NPIPB11: variants seen among roughly 807,000 people sequenced by gnomAD.
The protein encoded by NPIPB11 is nuclear pore complex interacting protein family member B11, also known as nuclear pore complex-interacting protein family member B11.
NPIPB11 carries 17 observed loss-of-function variants against 32.8 expected under a neutral mutation model. The observed-to-expected ratio is 0.52, with a 90% CI of 0.35 to 0.78. The LOEUF is 0.78. Among genes scored for constraint, NPIPB11 ranks in the 30% least tolerant of loss-of-function variants. The pLI is 0.01. For missense variants in NPIPB11, 537 were observed against 1,000.4 expected, an observed-to-expected ratio of 0.54 and a Z score of 6.25; for synonymous variants, 209 against 398.4, an observed-to-expected ratio of 0.52 and a Z score of 5.66.
In NPIPB11 at chr16:29,399,261, CA is replaced by C. The variant is rs1412212379; in HGVS notation, c.120+4421del. Among the ~76,000 whole-genome samples the C allele has an allele frequency of 7.2e-5, 11 of 151,980 alleles. 1 individual carries two copies. Among genetic ancestry groups the C allele is most frequent in the Admixed American group, 2.6e-4 (4 of 15,230 alleles). On this transcript the variant is annotated intron_variant, in intron 2 of 7. Transcript: ENST00000524087. ...TGCCCAAACTCACTCAGGCCTCTGG[CA>C]GCTGAAAACCACTGCTTTAAATCCC... is the stretch of plus-strand genomic sequence containing the variant.
intron 2 of NPIPB11, chr16:29,397,708 G>T (rs1963894145): frequency 7.0e-6 from 4 of 568,662 alleles, no homozygotes; most frequent in Non-Finnish European, 1.2e-5. Flanking sequence ...AGGGCAGGGG[G>T]GAGGGAAGGG....
At chr16:29,391,717 A>G (rs1024556720) in intron 3 of NPIPB11, among the ~76,000 whole-genome samples, 12 of 152,266 alleles carry the variant, frequency 7.9e-5, no homozygotes, top group Non-Finnish European at 1.2e-4. Flanking sequence ...CTCCTGAGGT[A>G]GTCATTGAAA....
At chr16:29,383,641 G>C (rs1567269731) in exon 8 of NPIPB11, 1 of 421,234 alleles carries the variant, frequency 2.4e-6, no homozygotes, top group Admixed American at 5.9e-5. Context: ...GGTGTCTTGA[G>C]ATTATCATCC....
chr16:29,384,101 T>A, exon 8 of NPIPB11: 1 of 1,163,560 alleles, frequency 8.6e-7, no homozygotes, highest in South Asian at 1.4e-5. Context: ...TATCATCCGC[T>A]GAGGGTGGAA....
At chr16:29,406,648 A>G (rs1964119362), upstream of NPIPB11, among the ~76,000 whole-genome samples, 1 of 151,898 alleles carries the variant, frequency 6.6e-6, no homozygotes, top group Non-Finnish European at 1.5e-5. Context: ...CAGGAGGCGG[A>G]GGTTGCAGTG....
chr16:29,382,094 C>G, exon 8 of NPIPB11: 2 of 470,732 alleles, frequency 4.2e-6, no homozygotes, highest in Admixed American at 5.5e-5. Flanking sequence ...GGGGAGTGAG[C>G]TGACGTTTGG....
At chr16:29,389,795 C>T in intron 5 of NPIPB11, 146 bp downstream of exon 5, 3 of 1,195,910 alleles carry the variant, frequency 2.5e-6, no homozygotes, top group East Asian at 3.0e-5. Flanking sequence ...ACAGCTTAAA[C>T]TAATGAAGCA....
At chr16:29,394,464 C>T (rs1963801523) in intron 2 of NPIPB11, among the ~76,000 whole-genome samples, 1 of 150,326 alleles carries the variant, frequency 6.7e-6, no homozygotes, top group Admixed American at 6.6e-5. Flanking sequence ...GAGTTCCGCT[C>T]CACTCAGTCG....
intron 7 of NPIPB11, 142 bp from the exon 8 acceptor site, chr16:29,384,431 A>G: frequency 2.2e-6 from 1 of 459,114 alleles, no homozygotes; most frequent in East Asian, 3.9e-5. Flanking sequence ...TAGCAGTATC[A>G]GTGTCATAAT....
At chr16:29,405,139 GTGTC>G (rs1387091700), upstream of NPIPB11, among the ~76,000 whole-genome samples, 1 of 151,744 alleles carries the variant, frequency 6.6e-6, no homozygotes, top group Non-Finnish European at 1.5e-5. Context: ...ACCTCTAACT[GTGTC>G]TGAAACATTA....
At chr16:29,398,885 G>A (rs1306634388) in intron 2 of NPIPB11, among the ~76,000 whole-genome samples, 6 of 151,790 alleles carry the variant, frequency 4.0e-5, no homozygotes, top group South Asian at 2.1e-4. Flanking sequence ...ATCCGAAACC[G>A]AGTGATGATG....
intron 2 of NPIPB11, among the ~76,000 whole-genome samples, chr16:29,395,748 G>A (rs1263118040): frequency 6.6e-6 from 1 of 150,908 alleles, no homozygotes. Context: ...GGGAAGCCGA[G>A]GTGGGTGGAC....
At chr16:29,405,672 A>C (rs1050624345), upstream of NPIPB11, among the ~76,000 whole-genome samples, 43 of 152,210 alleles carry the variant, frequency 2.8e-4, 1 homozygote, top group Non-Finnish European at 5.3e-4. Context: ...AGGCCATGTT[A>C]TGTGTTCTCC....
chr16:29,389,218 G>T (rs959125407), intron 5 of NPIPB11, among the ~76,000 whole-genome samples: 2 of 104,054 alleles, frequency 1.9e-5, no homozygotes, highest in African/African-American at 6.5e-5. Flanking sequence ...AAAAAAAATT[G>T]GTCAAATGTG....
upstream of NPIPB11, among the ~76,000 whole-genome samples, chr16:29,405,407 G>T (rs527595620): frequency 6.6e-6 from 1 of 152,160 alleles, no homozygotes; most frequent in African/African-American, 2.4e-5. Flanking sequence ...AAACTGACAG[G>T]ATTCCTCTCT....
At chr16:29,400,831 C>T (rs1277753400) in intron 2 of NPIPB11, among the ~76,000 whole-genome samples, 2 of 152,100 alleles carry the variant, frequency 1.3e-5, no homozygotes, top group African/African-American at 4.8e-5. Flanking sequence ...GGCAGTGGTT[C>T]CATCGGAGGT....
At chr16:29,399,624 G>C (rs1172675629) in intron 2 of NPIPB11, among the ~76,000 whole-genome samples, 1 of 151,970 alleles carries the variant, frequency 6.6e-6, no homozygotes, top group Non-Finnish European at 1.5e-5. Context: ...TTTGAACCCA[G>C]GAGGCAGAGT....
chr16:29,392,046 A>G (rs1963735360), intron 3 of NPIPB11, among the ~76,000 whole-genome samples: 1 of 152,068 alleles, frequency 6.6e-6, no homozygotes, highest in Non-Finnish European at 1.5e-5. Context: ...AATTCTTTGT[A>G]GAATTTGTTT....
intron 2 of NPIPB11, among the ~76,000 whole-genome samples, chr16:29,402,722 C>CTGTGTGTGTGTGTG (rs1245633106): frequency 1.8e-3 from 202 of 113,726 alleles, no homozygotes; most frequent in East Asian, 0.011. Flanking sequence ...CTCTCTCTCT[C>CTGTGTGTGTGTGTG]TCTGTGTGTG....
Sources: allele counts gnomAD v4.1 joint callset (sites outside exome capture counted in the v4.1 genomes callset), GRCh38; gene constraint gnomAD v4.1.1; transcripts MANE v1.5; gene names NCBI Gene and HGNC (gene_info 2026-07-23, HGNC 2026-07-21).